The following CREB3L2 variants were observed in gnomAD, a reference collection of about 807,000 sequenced individuals.
CREB3L2 encodes cyclic AMP-responsive element-binding protein 3-like protein 2.
A neutral mutation model predicts 57.2 loss-of-function variants in CREB3L2; 23 were observed. The observed-to-expected ratio is 0.40, with a 90% CI of 0.29 to 0.57. The LOEUF is 0.57. Among genes scored for constraint, CREB3L2 ranks in the 20% least tolerant of loss-of-function variants. The pLI, the probability that CREB3L2 is intolerant of heterozygous loss-of-function variation, is 0.42. For missense variants in CREB3L2, 628 were observed against 634.7 expected, an observed-to-expected ratio of 0.99 and a Z score of 0.11; for synonymous variants, 268 against 265.1, an observed-to-expected ratio of 1.01 and a Z score of -0.11.
chr7:137,963,412 C>T (rs1801357504), intron 1 of CREB3L2, among the ~76,000 whole-genome samples: 2 of 152,216 alleles, frequency 1.3e-5, no homozygotes, highest in Admixed American at 6.5e-5. Context: ...TTCTAGTTTT[C>T]AGGCACCTCG....
intron 10 of CREB3L2, among the ~76,000 whole-genome samples, chr7:137,884,022 T>C (rs769653449): frequency 1.3e-5 from 2 of 152,224 alleles, no homozygotes; most frequent in Non-Finnish European, 2.9e-5. Context: ...GTTTGTTTGT[T>C]TGAGATGGAG....
chr7:137,949,048 T>C (rs146271688), intron 1 of CREB3L2, among the ~76,000 whole-genome samples: 2 of 152,320 alleles, frequency 1.3e-5, no homozygotes, highest in African/African-American at 2.4e-5. Flanking sequence ...CTCTTCCTAG[T>C]TGAGAAATAA....
chr7:137,989,289 G>A (rs560830711), intron 1 of CREB3L2, among the ~76,000 whole-genome samples: 4 of 152,144 alleles, frequency 2.6e-5, no homozygotes, highest in African/African-American at 9.6e-5. Context: ...CACAGACACC[G>A]CCCTGAGCTA....
At chr7:137,950,592 T>C (rs1801076874) in intron 1 of CREB3L2, among the ~76,000 whole-genome samples, 1 of 152,128 alleles carries the variant, frequency 6.6e-6, no homozygotes, top group Admixed American at 6.6e-5. Flanking sequence ...TGAGGAGGTA[T>C]TACGAAGGCT....
At chr7:137,953,501 A>C (rs753971884) in intron 1 of CREB3L2, 1 of 1,289,146 alleles carries the variant, frequency 7.8e-7, no homozygotes, top group South Asian at 1.2e-5. Flanking sequence ...CATCCCCAAC[A>C]CACGACTCTC....
chr7:137,929,016 C>A (rs1270182625), intron 1 of CREB3L2, among the ~76,000 whole-genome samples: 1 of 152,196 alleles, frequency 6.6e-6, no homozygotes, highest in Non-Finnish European at 1.5e-5. Context: ...TTCTATAGCA[C>A]AAAGGTGCAG....
chr7:137,922,380 ATATG>A (rs1246034729), intron 2 of CREB3L2, among the ~76,000 whole-genome samples: 1 of 30,992 alleles, frequency 3.2e-5, no homozygotes, highest in Non-Finnish European at 5.1e-5. Context: ...CTATATATAT[ATATG>A]TATATATATA....
chr7:137,897,623 A>C (rs1799655076), intron 8 of CREB3L2, among the ~76,000 whole-genome samples: 1 of 152,158 alleles, frequency 6.6e-6, no homozygotes, highest in Non-Finnish European at 1.5e-5. Context: ...TCGGCCTCCC[A>C]AAGTGCTAGG....
At chr7:137,908,731 T>C (rs912591637) in intron 4 of CREB3L2, among the ~76,000 whole-genome samples, 2 of 152,096 alleles carry the variant, frequency 1.3e-5, no homozygotes, top group African/African-American at 4.8e-5. Context: ...CCCAGCACTT[T>C]GGGAGGCTGA....
At chr7:137,936,905 C>T (rs1297409782) in intron 1 of CREB3L2, among the ~76,000 whole-genome samples, 1 of 152,202 alleles carries the variant, frequency 6.6e-6, no homozygotes, top group Non-Finnish European at 1.5e-5. Context: ...GGACAGAGAA[C>T]ACCCTCTTTC....
rs891437300 is a variant in CREB3L2 at position 137,877,721 on chromosome 7, G to C, written c.*2755C>G. ...TATTTCTCAAAACTTACATTCAGAAGACACTGTCTGCCACTATTTGAAATC... is the reference window on the plus strand; with the variant it reads ...TATTTCTCAAAACTTACATTCAGAACACACTGTCTGCCACTATTTGAAATC... On this transcript the variant is annotated 3_prime_UTR_variant, in exon 12 of 12. Transcript: ENST00000330387. 8.8e-6 allele frequency: 2 copies of C among 227,632 alleles called. No individual in the cohort carries two copies. Among genetic ancestry groups the C allele is most frequent in the Admixed American group, 1.1e-4 (2 of 17,584 alleles). 14.1% of individuals were successfully genotyped at this position (227,632 alleles called of 1,614,324 possible). A position where few individuals can be genotyped will look rare whatever the true frequency, so the allele number is the denominator to read the frequency against.
At chr7:137,977,702 C>T (rs1801633064) in intron 1 of CREB3L2, among the ~76,000 whole-genome samples, 1 of 152,140 alleles carries the variant, frequency 6.6e-6, no homozygotes, top group Admixed American at 6.5e-5. Context: ...GGGCGGATCA[C>T]TTGAAGTCAG....
intron 2 of CREB3L2, among the ~76,000 whole-genome samples, chr7:137,917,055 G>A (rs1800153760): frequency 6.6e-6 from 1 of 152,106 alleles, no homozygotes. Flanking sequence ...AGCCCTTTGG[G>A]AGACTTTGGT....
At chr7:137,965,680 A>G (rs1485500865) in intron 1 of CREB3L2, among the ~76,000 whole-genome samples, 1 of 152,212 alleles carries the variant, frequency 6.6e-6, no homozygotes, top group Non-Finnish European at 1.5e-5. Context: ...CCAGCCAAAC[A>G]CTGCAACTAT....
chr7:137,903,865 A>G, intron 7 of CREB3L2, 94 bp downstream of exon 7: 2 of 1,082,194 alleles, frequency 1.8e-6, no homozygotes, highest in Non-Finnish European at 2.8e-6. Flanking sequence ...GTGGCCAGAA[A>G]GAGGAATTGA....
chr7:137,991,812 G>A (rs996828617), intron 1 of CREB3L2, among the ~76,000 whole-genome samples: 1 of 151,652 alleles, frequency 6.6e-6, no homozygotes. Flanking sequence ...GGAGACTGAG[G>A]CACAAGAATC....
chr7:137,878,688 T>G lies in CREB3L2; in HGVS notation c.*1788A>C, dbSNP rs3735021. On this transcript the variant is annotated 3_prime_UTR_variant, in exon 12 of 12. Coordinates refer to ENST00000330387, the MANE Select transcript of CREB3L2 (RefSeq NM_194071.4). ...TCCACTCACAGTGAGAAGATGAACT[T>G]GGCCGCTTTCCAGGCTGGAACCGTC... 1 of 233,748 alleles carries G rather than the reference T, an allele frequency of 4.3e-6. No individual in the cohort carries two copies. Among genetic ancestry groups the G allele is most frequent in the South Asian group, 1.8e-4 (1 of 5,572 alleles). 14.5% of individuals were successfully genotyped at this position (233,748 alleles called of 1,614,324 possible). A position where few individuals can be genotyped will look rare whatever the true frequency, so the allele number is the denominator to read the frequency against.
At chr7:137,972,396 C>T (rs1384516167) in intron 1 of CREB3L2, among the ~76,000 whole-genome samples, 1 of 151,624 alleles carries the variant, frequency 6.6e-6, no homozygotes, top group Non-Finnish European at 1.5e-5. Flanking sequence ...CAAGATCATG[C>T]CACTGCATTC....
intron 1 of CREB3L2, among the ~76,000 whole-genome samples, chr7:137,979,827 C>T (rs1801681740): frequency 6.6e-6 from 1 of 152,162 alleles, no homozygotes; most frequent in South Asian, 2.1e-4. Context: ...TCTGAGTGGA[C>T]AGGTATAAAA....
Sources: allele counts gnomAD v4.1 joint callset (sites outside exome capture counted in the v4.1 genomes callset), GRCh38; gene constraint gnomAD v4.1.1; transcripts MANE v1.5; gene names NCBI Gene and HGNC (gene_info 2026-07-23, HGNC 2026-07-21).